Variants in HCLS1 observed in about 807,000 individuals in gnomAD.
HCLS1 encodes hematopoietic cell-specific Lyn substrate 1.
In HCLS1, 44 loss-of-function variants were observed where a neutral mutation model predicts 68.6. The observed-to-expected ratio is 0.64, with a 90% CI of 0.50 to 0.82. The LOEUF (loss-of-function observed/expected upper bound fraction) is 0.82. Ranked by LOEUF, HCLS1 falls within the 40% of genes least tolerant of loss-of-function variation. The probability of loss-of-function intolerance (pLI) is 0.00; values close to 1 mark genes in which losing one functional copy is unlikely to be tolerated. For synonymous variants in HCLS1, 217 were observed against 225.8 expected (o/e 0.96, Z 0.35); for missense variants, 602 against 612.1 (o/e 0.98, Z 0.17).
intron 6 of HCLS1, 74 bp downstream of exon 6, chr3:121,642,853 G>T (rs1381182155): frequency 2.6e-6 from 3 of 1,137,686 alleles, no homozygotes; most frequent in Non-Finnish European, 4.0e-6. Context: ...GATGACAACT[G>T]CTGGAAGATA....
chr3:121,644,677 A>G, intron 5 of HCLS1, 141 bp downstream of exon 5: 1 of 754,848 alleles, frequency 1.3e-6, no homozygotes, highest in Non-Finnish European at 2.4e-6. Flanking sequence ...TGAGGGAGGT[A>G]TCCCTGTGAC....
chr3:121,656,893 A>G (rs1267654067), intron 3 of HCLS1: 2 of 165,414 alleles, frequency 1.2e-5, no homozygotes, highest in African/African-American at 4.8e-5. Context: ...CATTTATCTG[A>G]AGAGATAGAT....
At chr3:121,635,111 C>T (rs545449526) in intron 9 of HCLS1, among the ~76,000 whole-genome samples, 129 of 152,222 alleles carry the variant, frequency 8.5e-4, no homozygotes, top group African/African-American at 2.8e-3. Context: ...GCCACCCCAC[C>T]CCTGTCCCAA....
At chr3:121,645,288 G>A (rs993649253) in intron 4 of HCLS1, among the ~76,000 whole-genome samples, 3 of 152,118 alleles carry the variant, frequency 2.0e-5, no homozygotes, top group Non-Finnish European at 4.4e-5. Flanking sequence ...GTAGTGTGGA[G>A]GAGAGACCAA....
chr3:121,657,950 T>A (rs2107481679), intron 2 of HCLS1: 1 of 315,442 alleles, frequency 3.2e-6, no homozygotes, highest in South Asian at 5.4e-5. Context: ...CAATTACACA[T>A]GCCCAGCTTG....
rs749319943 is a variant in HCLS1, at chr3:121,647,333, C to T, written c.274G>A (p.Asp92Asn). ...GYGGRFGVER[D>N]RMDKSAVGHE... ...TTTCAACTTACCTTGTCCATTCGGT[C>T]TCTTTCTACTCCAAACCGACCTCCA... The change falls in exon 4 of 14, where the codon GAC becomes AAC. Residue 92 changes from aspartate to asparagine, a missense_variant. Asp to Asn is a conservative substitution (Grantham distance 23, BLOSUM62 1). Coordinates refer to ENST00000314583, the MANE Select transcript of HCLS1 (RefSeq NM_005335.6). 6.2e-7 allele frequency: 1 copy of T among 1,613,946 alleles called. No homozygotes were observed. The highest frequency in any genetic ancestry group is 8.5e-7 in the Non-Finnish European group (1 of 1,179,946).
intron 10 of HCLS1, 75 bp from the exon 11 acceptor site, chr3:121,633,246 C>T: frequency 8.5e-6 from 8 of 937,140 alleles, no homozygotes; most frequent in Non-Finnish European, 8.2e-6. Context: ...GATAGACTCT[C>T]GCTCTGTAGC....
intron 6 of HCLS1, among the ~76,000 whole-genome samples, chr3:121,638,199 C>T (rs1367233367): frequency 3.3e-5 from 5 of 151,942 alleles, no homozygotes; most frequent in African/African-American, 4.8e-5. Flanking sequence ...GTAACTGGGA[C>T]CACAGGCAGG....
intron 3 of HCLS1, 196 bp downstream of exon 3, chr3:121,657,083 G>A: frequency 1.9e-6 from 1 of 531,906 alleles, no homozygotes; most frequent in Non-Finnish European, 3.4e-6. Flanking sequence ...GAGGGTAAGA[G>A]GAGAGACATA....
At chr3:121,637,025 G>T in intron 7 of HCLS1, 121 bp downstream of exon 7, 1 of 696,564 alleles carries the variant, frequency 1.4e-6, no homozygotes. Context: ...TTACTGCCCT[G>T]GCACCCCCTG....
At chr3:121,649,571 A>G (rs1937694898) in intron 3 of HCLS1, among the ~76,000 whole-genome samples, 1 of 152,168 alleles carries the variant, frequency 6.6e-6, no homozygotes, top group Non-Finnish European at 1.5e-5. Context: ...TTCATTTTAT[A>G]ACTATTAACT....
intron 4 of HCLS1, among the ~76,000 whole-genome samples, chr3:121,646,881 A>C (rs765668569): frequency 1.0e-3 from 147 of 144,408 alleles, no homozygotes; most frequent in Non-Finnish European, 1.9e-3. Flanking sequence ...GTTGGCTCTT[A>C]TTATAGAGGT....
intron 3 of HCLS1, among the ~76,000 whole-genome samples, chr3:121,652,632 C>T (rs1937775201): frequency 6.6e-6 from 1 of 152,066 alleles, no homozygotes; most frequent in Non-Finnish European, 1.5e-5. Context: ...TGCACTCCAG[C>T]CTGGATGACA....
intron 12 of HCLS1, 65 bp downstream of exon 12, chr3:121,632,267 T>C: frequency 6.3e-7 from 1 of 1,588,106 alleles, no homozygotes; most frequent in Non-Finnish European, 8.6e-7. Flanking sequence ...AATAGAGAAA[T>C]TCTTCTTCCT....
chr3:121,638,527 T>G (rs766467679), intron 6 of HCLS1, among the ~76,000 whole-genome samples: 7 of 152,162 alleles, frequency 4.6e-5, no homozygotes, highest in African/African-American at 7.2e-5. Flanking sequence ...AGGAAAATCA[T>G]GAAGGGGGCT....
chr3:121,640,099 T>C (rs957084069), intron 6 of HCLS1, among the ~76,000 whole-genome samples: 1 of 152,082 alleles, frequency 6.6e-6, no homozygotes, highest in Non-Finnish European at 1.5e-5. Context: ...CTAGAAATCT[T>C]ACAGAAGTTA....
intron 3 of HCLS1, among the ~76,000 whole-genome samples, chr3:121,654,493 A>G (rs999164612): frequency 6.6e-6 from 1 of 152,206 alleles, no homozygotes; most frequent in African/African-American, 2.4e-5. Context: ...AATGGGCAAG[A>G]GTGGAGAAAA....
chr3:121,640,038 G>GA (rs1199938404), intron 6 of HCLS1, among the ~76,000 whole-genome samples: 2 of 151,906 alleles, frequency 1.3e-5, no homozygotes, highest in South Asian at 2.1e-4. Flanking sequence ...ATTAAAAAGA[G>GA]AAAAAACACA....
intron 3 of HCLS1, 138 bp from the exon 4 acceptor site, chr3:121,647,586 G>T (rs1311765639): frequency 2.7e-6 from 2 of 744,374 alleles, no homozygotes. Flanking sequence ...ACTAGTGATG[G>T]GTCTGGAAGT....
Sources: gnomAD v4.1 joint callset for allele counts (sites outside exome capture counted in the v4.1 genomes callset) on GRCh38, gnomAD v4.1.1 for gene constraint, MANE v1.5 for transcripts, NCBI Gene and HGNC (gene_info 2026-07-23, HGNC 2026-07-21) for gene names.